The following RYK variants were observed in gnomAD, a reference collection of about 807,000 sequenced individuals.
The protein encoded by RYK is inactive tyrosine-protein kinase RYK.
RYK carries 21 observed loss-of-function variants against 70.2 expected under a neutral mutation model. The ratio of observed to expected loss-of-function variants is 0.30; its 90% CI spans 0.21 to 0.43. RYK has a LOEUF of 0.43. Among genes scored for constraint, RYK ranks in the 20% least tolerant of loss-of-function variants. RYK has a pLI of 1.00. For missense variants in RYK, 604 were observed against 753.3 expected (o/e 0.80, Z 2.32); for synonymous variants, 267 against 278.0 (o/e 0.96, Z 0.39).
chr3:134,215,581 A>G (rs1053867080), intron 2 of RYK, among the ~76,000 whole-genome samples: 2 of 152,154 alleles, frequency 1.3e-5, no homozygotes, highest in Non-Finnish European at 2.9e-5. Context: ...TTGAAGTCCA[A>G]TTTTCTCTAG....
intron 1 of RYK, among the ~76,000 whole-genome samples, chr3:134,238,868 GAA>G (rs578041246): frequency 1.3e-5 from 2 of 151,868 alleles, no homozygotes; most frequent in African/African-American, 4.8e-5. Flanking sequence ...GCATTTTGGG[GAA>G]AAAAAATTAG....
chr3:134,167,663 T>C (rs1291410712), intron 13 of RYK, among the ~76,000 whole-genome samples: 1 of 152,072 alleles, frequency 6.6e-6, no homozygotes, highest in Non-Finnish European at 1.5e-5. Flanking sequence ...CCTAAAACCA[T>C]AAAAACAATA....
intron 2 of RYK, 87 bp from the exon 3 acceptor site, chr3:134,211,694 C>G: frequency 1.2e-6 from 1 of 816,054 alleles, no homozygotes; most frequent in Non-Finnish European, 2.1e-6. Flanking sequence ...GCTCATTAAT[C>G]AATGGATGAG....
intron 2 of RYK, among the ~76,000 whole-genome samples, chr3:134,217,988 T>G (rs1417353534): frequency 6.6e-6 from 1 of 152,202 alleles, no homozygotes; most frequent in Non-Finnish European, 1.5e-5. Context: ...ATTTCCTTAG[T>G]TTTTTACTAA....
At chr3:134,163,258 A>G (rs190399586) in intron 13 of RYK, among the ~76,000 whole-genome samples, 1 of 152,360 alleles carries the variant, frequency 6.6e-6, no homozygotes, top group African/African-American at 2.4e-5. Context: ...TAAAAAAATA[A>G]TCAAGACAAA....
At chr3:134,159,605 T>A (rs2012383441) in intron 13 of RYK, among the ~76,000 whole-genome samples, 1 of 152,248 alleles carries the variant, frequency 6.6e-6, no homozygotes, top group Non-Finnish European at 1.5e-5. Flanking sequence ...CCATTGGAAG[T>A]AATAGTTTAC....
intron 1 of RYK, among the ~76,000 whole-genome samples, chr3:134,246,143 T>G (rs975161851): frequency 6.6e-6 from 1 of 150,642 alleles, no homozygotes; most frequent in Non-Finnish European, 1.5e-5. Flanking sequence ...AGAAAAAGAT[T>G]CTAAAATTTA....
At position 134,233,643 on chromosome 3, in the gene RYK, G is replaced by C. The variant is rs572990193; in HGVS notation, c.233-11104C>G. On this transcript the variant is annotated intron_variant, in intron 1 of 14. Transcript: ENST00000623711. Reference sequence around the variant, plus strand: ...GTTTTCAACAGTTTATCTTTCTTTGGAGGAGAGAGGTGATACCTCAAGTCA... The same window carrying C: ...GTTTTCAACAGTTTATCTTTCTTTGCAGGAGAGAGGTGATACCTCAAGTCA... Among the ~76,000 whole-genome samples, 27 of 152,236 alleles carry C rather than the reference G, an allele frequency of 1.8e-4. 2 individuals carry two copies. The South Asian group carries it at 5.6e-3, about 32-fold the overall frequency.
chr3:134,184,386 G>T (rs1014379397), intron 9 of RYK, among the ~76,000 whole-genome samples: 3 of 152,070 alleles, frequency 2.0e-5, no homozygotes, highest in Non-Finnish European at 4.4e-5. Flanking sequence ...AATCCACAAG[G>T]ATTCCTCATC....
intron 1 of RYK, among the ~76,000 whole-genome samples, chr3:134,234,944 T>C (rs890270951): frequency 1.3e-5 from 2 of 152,126 alleles, no homozygotes; most frequent in African/African-American, 4.8e-5. Flanking sequence ...ATATAAAAGA[T>C]ATAGTTTATA....
In RYK at chr3:134,157,210, C is replaced by A. The variant is rs1212854942; in HGVS notation, c.*943G>T. 5 of 151,442 alleles carry A rather than the reference C, an allele frequency of 3.3e-5. No individual in the cohort carries two copies. The highest frequency in any genetic ancestry group is 1.2e-4 in the African/African-American group (5 of 41,202). The allele number at this position is 151,442 out of a possible 1,614,324, so 9.4% of individuals were successfully genotyped here. A position where few individuals can be genotyped will look rare whatever the true frequency, so the allele number is the denominator to read the frequency against. On this transcript the variant is annotated 3_prime_UTR_variant, in exon 15 of 15. Transcript: ENST00000623711. ...CTTAAGCCAGCCTTGAAGATAAGCA[C>A]AAAATTTACCAGTTTACATTTAAAA...
intron 2 of RYK, among the ~76,000 whole-genome samples, chr3:134,219,424 C>T (rs1262610099): frequency 2.0e-5 from 3 of 152,246 alleles, no homozygotes; most frequent in Admixed American, 1.3e-4. Flanking sequence ...TCACAAATCA[C>T]TACCCATACA....
chr3:134,188,952 T>G, intron 8 of RYK, 29 bp from the exon 9 acceptor site: 1 of 1,171,102 alleles, frequency 8.5e-7, no homozygotes, highest in Non-Finnish European at 1.2e-6. Flanking sequence ...ATTAATGAGA[T>G]CATACAACAT....
chr3:134,247,699 T>C (rs2015500494), intron 1 of RYK, among the ~76,000 whole-genome samples: 1 of 143,904 alleles, frequency 6.9e-6, no homozygotes, highest in South Asian at 2.2e-4. Flanking sequence ...CGAAACTCCG[T>C]CTCAAAAAAA....
chr3:134,183,016 TCG>T lies in RYK; in HGVS notation c.1156_1157del (p.Gly387SerfsTer33). 6.3e-7 allele frequency: 1 copy of T among 1,588,268 alleles called. No homozygotes were observed. The highest frequency in any genetic ancestry group is 8.6e-7 in the Non-Finnish European group (1 of 1,165,506). On this transcript the variant is annotated frameshift_variant, in exon 10 of 15. Transcript: ENST00000623711. LOFTEE classifies it high-confidence loss of function. ...TCTCCTCTCACCTGTGATGAAGACCTCGCAGCTTACAACTTTCAGTGAGCATC... is the reference window on the plus strand; with the variant it reads ...TCTCCTCTCACCTGTGATGAAGACCTCAGCTTACAACTTTCAGTGAGCATC... ...TMMLTESCKL[R>X]GLHHRNLLPI...
chr3:134,188,869 T>C lies in RYK; in HGVS notation c.1070A>G (p.Lys357Arg), dbSNP rs2013555294. Residue 357 changes from lysine to arginine, a missense_variant, in exon 9 of 15, where the codon AAA (lysine) becomes AGA (arginine). By Grantham distance (26) the Lys-to-Arg change is conservative. Coordinates refer to ENST00000623711, the MANE Select transcript of RYK (RefSeq NM_002958.4). Reference protein sequence around the residue: ...GILIDEKDPNKEKQAFVKTVK... With the variant: ...GILIDEKDPNREKQAFVKTVK... ...TGTTTTGACAAATGCTTGTTTTTCT[T>C]TATTTGGATCTTTTTCATCTATTAA... 2 of 1,582,398 alleles carry C rather than the reference T, an allele frequency of 1.3e-6. No individual in the cohort carries two copies.
At chr3:134,237,141 T>G (rs1393389518) in intron 1 of RYK, among the ~76,000 whole-genome samples, 1 of 152,222 alleles carries the variant, frequency 6.6e-6, no homozygotes, top group Non-Finnish European at 1.5e-5. Context: ...TAAGTTCAAA[T>G]TTATTTCAAG....
chr3:134,221,795 G>T (rs2014746832), intron 2 of RYK, among the ~76,000 whole-genome samples: 1 of 152,136 alleles, frequency 6.6e-6, no homozygotes, highest in African/African-American at 2.4e-5. Context: ...GGTACAGGAG[G>T]CACCTCCATG....
chr3:134,162,777 G>A (rs957007168), intron 13 of RYK, among the ~76,000 whole-genome samples: 2 of 149,020 alleles, frequency 1.3e-5, no homozygotes, highest in African/African-American at 2.5e-5. Flanking sequence ...CATAGAGAAG[G>A]TAGTTCCCTG....
Sources: allele counts gnomAD v4.1 joint callset (sites outside exome capture counted in the v4.1 genomes callset), GRCh38; gene constraint gnomAD v4.1.1; transcripts MANE v1.5; gene names NCBI Gene and HGNC (gene_info 2026-07-23, HGNC 2026-07-21).